Variants in COL5A3 observed in about 807,000 individuals in gnomAD.
The protein encoded by COL5A3 is collagen type V alpha 3 chain, also known as collagen alpha-3(V) chain.
In COL5A3, 172 loss-of-function variants were observed where a neutral mutation model predicts 250.0. The observed-to-expected ratio is 0.69, with a 90% CI of 0.61 to 0.78. The LOEUF (loss-of-function observed/expected upper bound fraction) is 0.78. Among genes scored for constraint, COL5A3 ranks in the 30% least tolerant of loss-of-function variants. COL5A3 has a pLI of 0.00. For missense variants in COL5A3, 2,340 were observed against 2,334.4 expected, an observed-to-expected ratio of 1.00 and a Z score of -0.05; for synonymous variants, 937 against 900.4, an observed-to-expected ratio of 1.04 and a Z score of -0.73.
chr19:9,968,467 A>G lies in COL5A3; in HGVS notation c.4232T>C (p.Ile1411Thr), dbSNP rs139887257. The change falls in exon 59 of 67, where the codon ATT (isoleucine) becomes ACT (threonine). Residue 1411 changes from isoleucine to threonine, a missense_variant. Transcript: ENST00000264828. This position sits in a 1 kb window ranked among gnomAD's most constrained non-coding sequence, Gnocchi z 4.1. ...EKGHIGLIGLIGPPGEAGEKG... is the reference protein window; with the variant it reads ...EKGHIGLIGLTGPPGEAGEKG... ...CTCACCAGCTTCTCCCGGGGGGCCA[A>G]TGAGACCGATCAATCCAATGTGGCC... 1.2e-4 allele frequency: 188 copies of G among 1,587,948 alleles called. No homozygotes were observed. The highest frequency in any genetic ancestry group is 1.6e-4 in the Non-Finnish European group (183 of 1,173,424).
At position 9,994,682 on chromosome 19, in the gene COL5A3, A is replaced by G. The variant is rs906228659; in HGVS notation, c.1588-876T>C. ...GGGCAATTTTGTCATTGTGTGAACAAGATAGAATGCACTTACACAACTCTG... is the reference window on the plus strand; with the variant it reads ...GGGCAATTTTGTCATTGTGTGAACAGGATAGAATGCACTTACACAACTCTG... On this transcript the variant is annotated intron_variant, in intron 16 of 66. Coordinates refer to ENST00000264828, the MANE Select transcript of COL5A3 (RefSeq NM_015719.4). Among the ~76,000 whole-genome samples, 3 of 146,776 alleles carry G rather than the reference A, an allele frequency of 2.0e-5. No individual in the cohort carries two copies. The East Asian group carries it at 6.0e-4, about 29-fold the overall frequency.
chr19:10,010,245 A>T, intron 1 of COL5A3, 53 bp downstream of exon 1: 2 of 890,136 alleles, frequency 2.2e-6, no homozygotes, highest in Non-Finnish European at 3.1e-6. Context: ...TCGCTCTTTT[A>T]GAGCCTCTCT....
rs2087489602 is a variant in COL5A3, at chr19:10,009,266, G to A, written c.88+1032C>T. ...GGAGGACCTAGTCTAGGGTCTCTCA[G>A]ATCAGGGAAGCCCCATCTCCAACAC... On this transcript the variant is annotated intron_variant, in intron 1 of 66. Coordinates refer to ENST00000264828, the MANE Select transcript of COL5A3 (RefSeq NM_015719.4). This position sits in a 1 kb window ranked among gnomAD's most constrained non-coding sequence, Gnocchi z 4.4. Among the ~76,000 whole-genome samples the A allele has an allele frequency of 6.6e-6, 1 of 151,482 alleles. No homozygotes were observed. Among genetic ancestry groups the A allele is most frequent in the African/African-American group, 2.4e-5 (1 of 41,168 alleles).
chr19:9,974,541 G>T, intron 45 of COL5A3, 133 bp from the exon 46 acceptor site: 2 of 621,122 alleles, frequency 3.2e-6, no homozygotes, highest in Non-Finnish European at 5.3e-6. Context: ...TCAGTGTTGA[G>T]TTGGAGTTGG....
chr19:9,976,260 C>T lies in COL5A3; in HGVS notation c.3342+298G>A, dbSNP rs1255147774. On this transcript the variant is annotated intron_variant, in intron 45 of 66. Coordinates refer to ENST00000264828, the MANE Select transcript of COL5A3 (RefSeq NM_015719.4). ...GACATGATTGGGTTGGGGTTGACTC[C>T]GAATTTGGGATTGGGTTCATACTGG... 2.1e-5 allele frequency among the ~76,000 whole-genome samples: 3 copies of T among 141,644 alleles called. 1 individual carries two copies. The highest frequency in any genetic ancestry group is 4.6e-5 in the Non-Finnish European group (3 of 65,228). 92.9% of individuals were successfully genotyped at this position (141,644 alleles called of 152,430 possible). A position where few individuals can be genotyped will look rare whatever the true frequency, so the allele number is the denominator to read the frequency against.
intron 31 of COL5A3, among the ~76,000 whole-genome samples, chr19:9,983,596 GAAA>G (rs1568418826): frequency 2.2e-5 from 2 of 89,532 alleles, no homozygotes; most frequent in South Asian, 3.6e-4. Flanking sequence ...AAGAAAGAAA[GAAA>G]GAGAAAGAGA....
At chr19:9,996,345 A>G in intron 13 of COL5A3, 83 bp from the exon 14 acceptor site, 1 of 1,551,426 alleles carries the variant, frequency 6.4e-7, no homozygotes, top group Admixed American at 2.0e-5. Flanking sequence ...GGAGAAAAAT[A>G]ACCCCCTTCT....
Position 9,970,694 on chromosome 19 carries a change from C to A in COL5A3, c.3883-19G>T. ...GCGGACCCTGGAGGAGACAAGGACA[C>A]CAGCTGTGGTCTCAGCTAACATTGT... On this transcript the variant is annotated intron_variant, in intron 53 of 66. Transcript: ENST00000264828. 7.0e-7 allele frequency: 1 copy of A among 1,419,270 alleles called. No individual in the cohort carries two copies. Among genetic ancestry groups the A allele is most frequent in the Non-Finnish European group, 9.2e-7 (1 of 1,084,820 alleles). 87.9% of individuals were successfully genotyped at this position (1,419,270 alleles called of 1,614,324 possible). A position where few individuals can be genotyped will look rare whatever the true frequency, so the allele number is the denominator to read the frequency against.
intron 65 of COL5A3, 72 bp from the exon 66 acceptor site, chr19:9,960,962 A>G: frequency 6.4e-7 from 1 of 1,551,434 alleles, no homozygotes; most frequent in Non-Finnish European, 8.7e-7. Context: ...ACCCCCTGGA[A>G]TCTCCATCCA....
chr19:9,985,648 C>A (rs1200868211), intron 31 of COL5A3, among the ~76,000 whole-genome samples, 194 bp downstream of exon 31: 2 of 152,140 alleles, frequency 1.3e-5, no homozygotes, highest in Non-Finnish European at 1.5e-5. Context: ...TCAAGCAATC[C>A]TCTCACCTCA....
rs375617796 is a variant in COL5A3, at chr19:9,960,374, T to C, written c.*37A>G. On this transcript the variant is annotated 3_prime_UTR_variant, in exon 67 of 67. Transcript: ENST00000264828. ...CCTCAGCACCAAATGCACCCCATTCTGGGGCTCCCTCATGGTCCCTCCCAC... is the reference window on the plus strand; with the variant it reads ...CCTCAGCACCAAATGCACCCCATTCCGGGGCTCCCTCATGGTCCCTCCCAC... The C allele has an allele frequency of 2.5e-6, 4 of 1,612,750 alleles. No homozygotes were observed. Among genetic ancestry groups the C allele is most frequent in the Non-Finnish European group, 2.5e-6 (3 of 1,179,414 alleles).
chr19:9,986,817 C>G, intron 27 of COL5A3, 59 bp from the exon 28 acceptor site: 1 of 1,584,018 alleles, frequency 6.3e-7, no homozygotes, highest in Non-Finnish European at 8.6e-7. Flanking sequence ...GTGACCCAGA[C>G]TCAGTCCCCT....
chr19:9,961,403 C>A (rs539911886), intron 65 of COL5A3, among the ~76,000 whole-genome samples: 1 of 151,822 alleles, frequency 6.6e-6, no homozygotes, highest in Non-Finnish European at 1.5e-5. Context: ...CTTGCTCTTT[C>A]GCGCAAGTTG....
chr19:9,984,269 C>T (rs8110119), intron 31 of COL5A3, among the ~76,000 whole-genome samples: 12,786 of 152,100 alleles, frequency 0.084, 702 homozygotes, highest in African/African-American at 0.15. Flanking sequence ...GTGATCCACT[C>T]GCCTCGGCCT....
rs556356884 is a variant in COL5A3 at position 10,001,511 on chromosome 19, C to T, written c.1110+13G>A. The T allele has an allele frequency of 6.2e-7, 1 of 1,613,438 alleles. No homozygotes were observed. Among genetic ancestry groups the T allele is most frequent in the East Asian group, 2.2e-5 (1 of 44,882 alleles). Reference sequence around the variant, plus strand: ...ACTCTCTTGCACCTAACCCCAGCCACCTAGAAACTCACAGGAAAGATCTGG... The same window carrying T: ...ACTCTCTTGCACCTAACCCCAGCCATCTAGAAACTCACAGGAAAGATCTGG... On this transcript the variant is annotated intron_variant, in intron 8 of 66. Coordinates refer to ENST00000264828, the MANE Select transcript of COL5A3 (RefSeq NM_015719.4).
rs1312835084 is a variant in COL5A3 at position 9,985,970 on chromosome 19, G to A, written c.2353-75C>T. The A allele has an allele frequency of 7.2e-6, 10 of 1,398,228 alleles. No homozygotes were observed. In the African/African-American group the frequency reaches 9.9e-5, roughly 14 times the overall value. The allele number at this position is 1,398,228 out of a possible 1,614,324, so 86.6% of individuals were successfully genotyped here. On this transcript the variant is annotated intron_variant, in intron 30 of 66. Coordinates refer to ENST00000264828, the MANE Select transcript of COL5A3 (RefSeq NM_015719.4). ...GAGGCGGAAAGGTCAGGCTGGCTGGGGCATGGTGAATGGGCTAATGGGATG... is the reference window on the plus strand; with the variant it reads ...GAGGCGGAAAGGTCAGGCTGGCTGGAGCATGGTGAATGGGCTAATGGGATG...
chr19:9,980,075 C>G, intron 35 of COL5A3, 28 bp from the exon 36 acceptor site: 3 of 1,585,604 alleles, frequency 1.9e-6, no homozygotes, highest in Non-Finnish European at 2.6e-6. Context: ...ATCATGATCT[C>G]ATCCCCCCTG....
chr19:9,987,749 G>A (rs921454082), intron 27 of COL5A3, among the ~76,000 whole-genome samples: 1 of 151,868 alleles, frequency 6.6e-6, no homozygotes, highest in African/African-American at 2.4e-5. Context: ...GTGAGACCCT[G>A]TCTCAAGAAT....
Position 9,988,006 on chromosome 19 carries a change from G to A in COL5A3, c.2145+1118C>T, listed in dbSNP as rs374599142. On this transcript the variant is annotated intron_variant, in intron 27 of 66. Coordinates refer to ENST00000264828, the MANE Select transcript of COL5A3 (RefSeq NM_015719.4). Reference sequence around the variant, plus strand: ...TCCCAGCACTTTGAGAGGCCGAGGCGGCCGGATCACCTGAGGTCAGGCGTT... The same window carrying A: ...TCCCAGCACTTTGAGAGGCCGAGGCAGCCGGATCACCTGAGGTCAGGCGTT... Among the ~76,000 whole-genome samples, 32 of 152,188 alleles carry A rather than the reference G, an allele frequency of 2.1e-4. No homozygotes were observed. In the South Asian group the frequency reaches 4.8e-3, roughly 23 times the overall value.
Sources: allele counts gnomAD v4.1 joint callset (sites outside exome capture counted in the v4.1 genomes callset), GRCh38; gene constraint gnomAD v4.1.1; non-coding constraint Gnocchi (gnomAD v3.1); transcripts MANE v1.5; gene names NCBI Gene and HGNC (gene_info 2026-07-23, HGNC 2026-07-21).